CHST9: variants seen among roughly 807,000 people sequenced by gnomAD.
CHST9 encodes the protein GalNAc-4-sulfotransferase 2.
In CHST9, 41 loss-of-function variants were observed where a neutral mutation model predicts 44.4. The ratio of observed to expected loss-of-function variants is 0.92; its 90% CI spans 0.72 to 1.20. CHST9 has a LOEUF of 1.20. Ranked by LOEUF, CHST9 falls within the 50% of genes most tolerant of loss-of-function variation. The pLI is 0.00. For missense variants in CHST9, 504 were observed against 516.5 expected (o/e 0.98, Z 0.23); for synonymous variants, 171 against 178.4 (o/e 0.96, Z 0.33).
chr18:27,098,314 G>A (rs573147756), intron 2 of CHST9, among the ~76,000 whole-genome samples: 5 of 152,234 alleles, frequency 3.3e-5, no homozygotes, highest in East Asian at 1.9e-4. Flanking sequence ...AACAACAGAT[G>A]CTGGTGAGGC....
At chr18:27,013,552 A>T (rs1424287115) in intron 4 of CHST9, among the ~76,000 whole-genome samples, 1 of 152,186 alleles carries the variant, frequency 6.6e-6, no homozygotes, top group Non-Finnish European at 1.5e-5. Flanking sequence ...TCTTCTAACA[A>T]CTTCTAAAGA....
Position 27,006,310 on chromosome 18 carries a change from T to C in CHST9, c.202+17806A>G, listed in dbSNP as rs568774073. Among the ~76,000 whole-genome samples, 7 of 152,280 alleles carry C rather than the reference T, an allele frequency of 4.6e-5. No homozygotes were observed. In the East Asian group the frequency reaches 9.6e-4, roughly 21 times the overall value. ...TCTATTTTCAGAGCTCTCTAAAATT[T>C]ATACACTGGGTGTGGAGAGGGTATG... On this transcript the variant is annotated intron_variant, in intron 4 of 5. Coordinates refer to ENST00000618847, the MANE Select transcript of CHST9 (RefSeq NM_031422.6).
chr18:27,012,026 T>C (rs571347538), intron 4 of CHST9, among the ~76,000 whole-genome samples: 2 of 152,372 alleles, frequency 1.3e-5, no homozygotes, highest in African/African-American at 4.8e-5. Flanking sequence ...CTTTGGTCCA[T>C]GCAAGCCTTT....
At chr18:26,974,198 T>C (rs561150659) in intron 4 of CHST9, among the ~76,000 whole-genome samples, 1 of 152,208 alleles carries the variant, frequency 6.6e-6, no homozygotes, top group South Asian at 2.1e-4. Flanking sequence ...CAACTTGAAA[T>C]GAAAGAAATA....
Position 26,916,439 on chromosome 18 carries a change from G to T in CHST9, c.1152C>A (p.Ile384=). The T allele has an allele frequency of 6.2e-7, 1 of 1,613,630 alleles. No homozygotes were observed. Among genetic ancestry groups the T allele is most frequent in the Non-Finnish European group, 8.5e-7 (1 of 1,179,650 alleles). ...EEDANYFLQM[I]GAPKELKFPN... is the part of the protein sequence containing the mutation. ...GAAATTTCAGCTCCTTTGGAGCACC[G>T]ATCATCTGTAAAAAGTAATTGGCAT... is the stretch of plus-strand genomic sequence containing the variant. The change falls in exon 6 of 6, where the codon ATC becomes ATA. Residue 384 remains isoleucine (I), a synonymous_variant. Transcript: ENST00000618847.
intron 3 of CHST9, among the ~76,000 whole-genome samples, chr18:27,041,892 G>GA (rs1464982144): frequency 3.9e-5 from 6 of 152,122 alleles, no homozygotes; most frequent in African/African-American, 9.7e-5. Flanking sequence ...TTGAGGAAGG[G>GA]AAAACGCATC....
Position 26,911,090 on chromosome 18 carries a change from C to T in CHST9, c.*5169G>A, listed in dbSNP as rs2055433956. On this transcript the variant is annotated 3_prime_UTR_variant, in exon 6 of 6. Transcript: ENST00000618847. ...GCTCAGCTCCCTTCCCTCAGCTGCC[C>T]TGCTCTAGCACCTTCCTTTCAGATC... 6.6e-6 allele frequency: 1 copy of T among 152,218 alleles called. No individual in the cohort carries two copies. Among genetic ancestry groups the T allele is most frequent in the Non-Finnish European group, 1.5e-5 (1 of 68,046 alleles). 9.4% of individuals were successfully genotyped at this position (152,218 alleles called of 1,614,324 possible).
At chr18:27,120,444 G>A (rs2058365156) in intron 2 of CHST9, among the ~76,000 whole-genome samples, 1 of 152,008 alleles carries the variant, frequency 6.6e-6, no homozygotes, top group African/African-American at 2.4e-5. Context: ...CTTCCTTCTT[G>A]TTCTTAAGGT....
intron 4 of CHST9, among the ~76,000 whole-genome samples, chr18:26,990,532 A>G (rs2056804376): frequency 1.3e-5 from 2 of 152,218 alleles, no homozygotes; most frequent in Admixed American, 6.5e-5. Flanking sequence ...TCTGTAGCCA[A>G]TGGCTTTTTG....
chr18:26,974,442 A>G (rs1187822704), intron 4 of CHST9, among the ~76,000 whole-genome samples: 1 of 152,232 alleles, frequency 6.6e-6, no homozygotes, highest in Admixed American at 6.5e-5. Context: ...GAAGAATAAG[A>G]TATGAAGTAT....
intron 2 of CHST9, among the ~76,000 whole-genome samples, chr18:27,060,145 G>A (rs1223361493): frequency 1.3e-5 from 2 of 152,174 alleles, no homozygotes; most frequent in East Asian, 3.9e-4. Context: ...GAGACAGAAA[G>A]ATAGGTACTT....
chr18:26,927,006 A>G (rs2055780165), intron 5 of CHST9, among the ~76,000 whole-genome samples: 1 of 152,200 alleles, frequency 6.6e-6, no homozygotes, highest in Non-Finnish European at 1.5e-5. Context: ...AGTATTGGTC[A>G]GCCAGCCTCC....
At chr18:26,944,125 G>A (rs2056126173) in intron 5 of CHST9, among the ~76,000 whole-genome samples, 2 of 152,146 alleles carry the variant, frequency 1.3e-5, no homozygotes, top group South Asian at 4.1e-4. Flanking sequence ...GGATGTGGTT[G>A]GGAAGGACTT....
intron 4 of CHST9, among the ~76,000 whole-genome samples, chr18:26,976,668 T>C (rs1162180993): frequency 6.6e-6 from 1 of 152,042 alleles, no homozygotes; most frequent in Admixed American, 6.6e-5. Flanking sequence ...TTCTCTACCG[T>C]GGATGGGAAG....
At chr18:27,053,580 A>G (rs2057614985) in intron 2 of CHST9, among the ~76,000 whole-genome samples, 1 of 152,056 alleles carries the variant, frequency 6.6e-6, no homozygotes, top group African/African-American at 2.4e-5. Context: ...TCTATTTTCT[A>G]TGGGCTCCTA....
At chr18:27,174,761 C>T (rs6508476) in intron 1 of CHST9, among the ~76,000 whole-genome samples, 108,300 of 151,844 alleles carry the variant, frequency 0.71, 38,843 homozygotes, top group African/African-American at 0.76. Flanking sequence ...TCTGGGTTCA[C>T]GGATACTTTT....
rs1024352332 is a variant in CHST9 at position 26,991,723 on chromosome 18, C to A, written c.202+32393G>T. Among the ~76,000 whole-genome samples the A allele has an allele frequency of 4.4e-5, 3 of 68,550 alleles. 1 individual carries two copies. Among genetic ancestry groups the A allele is most frequent in the African/African-American group, 1.2e-4 (3 of 25,656 alleles). The allele number at this position is 68,550 out of a possible 152,430, so 45.0% of individuals were successfully genotyped here. On this transcript the variant is annotated intron_variant, in intron 4 of 5. Coordinates refer to ENST00000618847, the MANE Select transcript of CHST9 (RefSeq NM_031422.6). ...TTAGATGCCAAGCAAAGACAGTTTT[C>A]TGAGGAGGAGGGAGTGATCAACTGT...
At position 26,991,659 on chromosome 18, in the gene CHST9, A is replaced by T. The variant is rs1207049078; in HGVS notation, c.202+32457T>A. Among the ~76,000 whole-genome samples the T allele has an allele frequency of 4.5e-5, 3 of 67,004 alleles. 1 individual carries two copies. Among genetic ancestry groups the T allele is most frequent in the Non-Finnish European group, 1.2e-4 (3 of 24,668 alleles). 44.0% of individuals were successfully genotyped at this position (67,004 alleles called of 152,430 possible). Reference sequence around the variant, plus strand: ...AACAGGAGGAAGCAGCAAGGAAACTAAGAAGCACCTGCCAGTGAAAGCAGG... The same window carrying T: ...AACAGGAGGAAGCAGCAAGGAAACTTAGAAGCACCTGCCAGTGAAAGCAGG... On this transcript the variant is annotated intron_variant, in intron 4 of 5. Transcript: ENST00000618847.
At chr18:27,124,431 G>T (rs551810567) in intron 2 of CHST9, among the ~76,000 whole-genome samples, 1 of 152,158 alleles carries the variant, frequency 6.6e-6, no homozygotes, top group Non-Finnish European at 1.5e-5. Context: ...ATTTGAATAC[G>T]TTTGGATGAT....
Sources: allele counts gnomAD v4.1 joint callset (sites outside exome capture counted in the v4.1 genomes callset), GRCh38; gene constraint gnomAD v4.1.1; transcripts MANE v1.5; gene names NCBI Gene and HGNC (gene_info 2026-07-23, HGNC 2026-07-21).